The following KIAA1217 variants were observed in gnomAD, a reference collection of about 807,000 sequenced individuals.
KIAA1217 encodes sickle tail protein homolog.
In KIAA1217, 88 loss-of-function variants were observed where a neutral mutation model predicts 163.9. The ratio of observed to expected loss-of-function variants is 0.54; its 90% CI spans 0.45 to 0.64. KIAA1217 has a LOEUF of 0.64. Among genes scored for constraint, KIAA1217 ranks in the 30% least tolerant of loss-of-function variants. KIAA1217 has a pLI of 0.00. For missense variants in KIAA1217, 2,372 were observed against 2,475.0 expected, an observed-to-expected ratio of 0.96 and a Z score of 0.88; for synonymous variants, 903 against 923.1, an observed-to-expected ratio of 0.98 and a Z score of 0.39.
chr10:23,987,249 C>A (rs561995793), intron 1 of KIAA1217, among the ~76,000 whole-genome samples: 7 of 151,580 alleles, frequency 4.6e-5, no homozygotes, highest in Non-Finnish European at 8.8e-5. Flanking sequence ...TGGTGGTGGA[C>A]GCCTGTAGTC....
intron 1 of KIAA1217, among the ~76,000 whole-genome samples, chr10:23,756,941 T>G (rs1833949690): frequency 1.3e-5 from 2 of 152,232 alleles, no homozygotes. Context: ...TCTATTATGC[T>G]AAGTGCCTTA....
intron 2 of KIAA1217, among the ~76,000 whole-genome samples, chr10:24,353,419 CTTTTA>C (rs1338940190): frequency 3.3e-5 from 5 of 151,624 alleles, no homozygotes; most frequent in African/African-American, 7.3e-5. Context: ...TCCGCGGTAC[CTTTTA>C]TTTTATTTTA....
At chr10:24,384,187 T>C (rs551826391) in intron 3 of KIAA1217, among the ~76,000 whole-genome samples, 2 of 152,362 alleles carry the variant, frequency 1.3e-5, no homozygotes, top group African/African-American at 4.8e-5. Context: ...TTGGCATCTG[T>C]ATGTTGTCAC....
chr10:23,780,706 G>A (rs1372158797), intron 1 of KIAA1217, among the ~76,000 whole-genome samples: 1 of 152,134 alleles, frequency 6.6e-6, no homozygotes, highest in African/African-American at 2.4e-5. Flanking sequence ...GGGGAATGGA[G>A]TTTCACTCTT....
intron 2 of KIAA1217, among the ~76,000 whole-genome samples, chr10:24,162,370 G>A (rs1162036459): frequency 6.6e-6 from 1 of 152,202 alleles, no homozygotes; most frequent in Non-Finnish European, 1.5e-5. Flanking sequence ...AAGGGAAGTT[G>A]AGCACAGGCT....
At chr10:24,430,567 G>A (rs537601869) in intron 3 of KIAA1217, among the ~76,000 whole-genome samples, 18 of 151,858 alleles carry the variant, frequency 1.2e-4, no homozygotes, top group African/African-American at 2.4e-4. Context: ...ATTATACAAC[G>A]CACCATAATG....
intron 2 of KIAA1217, among the ~76,000 whole-genome samples, chr10:24,033,686 G>T (rs1224491732): frequency 1.3e-5 from 2 of 152,204 alleles, no homozygotes; most frequent in Non-Finnish European, 2.9e-5. Flanking sequence ...AGCAGGTATT[G>T]GTCAAGGAAA....
Position 24,543,027 on chromosome 10 carries a change from A to G in KIAA1217, c.3757A>G (p.Arg1253Gly), listed in dbSNP as rs1251606869. The change falls in exon 19 of 21, where the codon AGA becomes GGA. Residue 1253 changes from arginine (R) to glycine (G), a missense_variant. Arg to Gly is a moderately radical substitution (Grantham distance 125, BLOSUM62 -2). Transcript: ENST00000376454. ...ENSISNMSLLRDSRNYSQETV... is the reference protein window; with the variant it reads ...ENSISNMSLLGDSRNYSQETV... Reference sequence around the variant, plus strand: ...TTCCATATCCAATATGAGTTTACTCAGAGACAGTAGAAACTATTCCCAGGA... The same window carrying G: ...TTCCATATCCAATATGAGTTTACTCGGAGACAGTAGAAACTATTCCCAGGA... 1.2e-6 allele frequency: 2 copies of G among 1,613,964 alleles called. No individual in the cohort carries two copies. Among genetic ancestry groups the G allele is most frequent in the African/African-American group, 2.7e-5 (2 of 74,914 alleles).
chr10:23,767,987 C>A (rs1375828155), intron 1 of KIAA1217, among the ~76,000 whole-genome samples: 2 of 152,202 alleles, frequency 1.3e-5, no homozygotes, highest in Non-Finnish European at 2.9e-5. Flanking sequence ...AGGGGGCTGG[C>A]TGGTTGCCCT....
chr10:23,869,554 C>T (rs751858901), intron 1 of KIAA1217, among the ~76,000 whole-genome samples: 4 of 151,824 alleles, frequency 2.6e-5, no homozygotes, highest in African/African-American at 7.3e-5. Context: ...CTCAATCGGT[C>T]GTGAGGTAGA....
In KIAA1217 at chr10:24,245,859, G is replaced by A. The variant is rs192008729; in HGVS notation, c.354+25950G>A. ...CACTTTGTTACTTAGGCTGGTCTCA[G>A]ACTCCTGGGCTCAAACAATCCTCCC... On this transcript the variant is annotated intron_variant, in intron 2 of 20. Coordinates refer to ENST00000376454, the MANE Select transcript of KIAA1217 (RefSeq NM_019590.5). Among the ~76,000 whole-genome samples, 803 of 151,532 alleles carry A rather than the reference G, an allele frequency of 5.3e-3. 8 individuals carry two copies. The highest frequency in any genetic ancestry group is 0.02 in the South Asian group (96 of 4,776).
intron 2 of KIAA1217, among the ~76,000 whole-genome samples, chr10:24,067,170 G>C (rs1408781134): frequency 6.6e-6 from 1 of 152,138 alleles, no homozygotes; most frequent in Non-Finnish European, 1.5e-5. Context: ...GTCCAGCTTT[G>C]TTCCGTTGCT....
chr10:24,331,374 C>T (rs1040794519), intron 2 of KIAA1217, among the ~76,000 whole-genome samples: 2 of 152,260 alleles, frequency 1.3e-5, no homozygotes, highest in Middle Eastern at 3.4e-3. Flanking sequence ...TTAGAATCTT[C>T]GAAGGCTAAA....
intron 2 of KIAA1217, among the ~76,000 whole-genome samples, chr10:24,352,362 G>A (rs559913450): frequency 2.0e-5 from 3 of 152,298 alleles, no homozygotes; most frequent in Admixed American, 1.3e-4. Flanking sequence ...GCATGGATGT[G>A]CAATTAATTG....
intron 2 of KIAA1217, among the ~76,000 whole-genome samples, chr10:24,124,606 C>T (rs1003260351): frequency 2.0e-5 from 3 of 151,992 alleles, no homozygotes; most frequent in African/African-American, 4.8e-5. Context: ...TAATAGCTTC[C>T]CTCTATTCCT....
chr10:23,748,835 A>T (rs1240147658), intron 1 of KIAA1217, among the ~76,000 whole-genome samples: 2 of 152,022 alleles, frequency 1.3e-5, no homozygotes, highest in African/African-American at 4.8e-5. Context: ...CATGTAGTAA[A>T]GGCTTTGCTG....
At chr10:23,744,460 G>A (rs1486990750) in intron 1 of KIAA1217, among the ~76,000 whole-genome samples, 5 of 152,180 alleles carry the variant, frequency 3.3e-5, no homozygotes, top group Non-Finnish European at 7.3e-5. Context: ...AGGTGACAAA[G>A]TTGGAGCTTC....
chr10:24,029,200 A>G (rs1848091665), intron 2 of KIAA1217, among the ~76,000 whole-genome samples: 2 of 152,186 alleles, frequency 1.3e-5, no homozygotes, highest in Non-Finnish European at 2.9e-5. Flanking sequence ...TGATATCTCA[A>G]AAACAGACCT....
intron 1 of KIAA1217, among the ~76,000 whole-genome samples, chr10:24,003,298 C>T (rs936136109): frequency 6.6e-5 from 10 of 152,250 alleles, no homozygotes; most frequent in East Asian, 1.9e-4. Flanking sequence ...CCCCTTTATA[C>T]GACATCCACG....
Sources: gnomAD v4.1 joint callset for allele counts (sites outside exome capture counted in the v4.1 genomes callset) on GRCh38, gnomAD v4.1.1 for gene constraint, MANE v1.5 for transcripts, NCBI Gene and HGNC (gene_info 2026-07-23, HGNC 2026-07-21) for gene names.